EVL: variants seen among roughly 807,000 people sequenced by gnomAD.
The protein encoded by EVL is ena/VASP-like protein.
Under a neutral mutation model 59.6 loss-of-function variants are expected in EVL, and 21 were observed. That is an observed-to-expected ratio of 0.35 (90% confidence interval 0.25 to 0.51). The LOEUF is 0.51. EVL is among the 20% of genes least tolerant of loss of function. The probability of loss-of-function intolerance (pLI) is 0.97; values close to 1 mark genes in which losing one functional copy is unlikely to be tolerated. For missense variants in EVL, 462 were observed against 546.6 expected (o/e 0.85, Z 1.54); for synonymous variants, 198 against 203.5 (o/e 0.97, Z 0.23).
Position 100,076,653 on chromosome 14 carries a change from C to T in EVL, c.12-8034C>T, listed in dbSNP as rs564895015. On this transcript the variant is annotated intron_variant, in intron 1 of 13. Coordinates refer to ENST00000392920, the MANE Select transcript of EVL (RefSeq NM_016337.3). ...TATGGATGAGTACAAATTAGTGGGTCGGCTTGGGTCAGCTCGGCTCGGCTG... is the reference window on the plus strand; with the variant it reads ...TATGGATGAGTACAAATTAGTGGGTTGGCTTGGGTCAGCTCGGCTCGGCTG... 1.7e-4 allele frequency among the ~76,000 whole-genome samples: 26 copies of T among 152,302 alleles called. 3 individuals are homozygous for T. The South Asian group carries it at 5.0e-3, about 29-fold the overall frequency.
chr14:100,114,575 G>A lies in EVL; in HGVS notation c.359-8964G>A, dbSNP rs1887209312. On this transcript the variant is annotated intron_variant, in intron 3 of 13. Transcript: ENST00000392920. This position sits in a 1 kb window ranked among gnomAD's most constrained non-coding sequence, Gnocchi z 5.0. Reference sequence around the variant, plus strand: ...ATCAGTTACCCACTGCACCAGCCAGGCGACAGAGGAGAAGAGGTAAGTGGC... The same window carrying A: ...ATCAGTTACCCACTGCACCAGCCAGACGACAGAGGAGAAGAGGTAAGTGGC... 3 of 152,404 alleles carry A rather than the reference G, an allele frequency of 2.0e-5. No homozygotes were observed. The highest frequency in any genetic ancestry group is 7.2e-5 in the African/African-American group (3 of 41,470). 9.4% of individuals were successfully genotyped at this position (152,404 alleles called of 1,614,324 possible). A position where few individuals can be genotyped will look rare whatever the true frequency, so the allele number is the denominator to read the frequency against.
chr14:99,983,157 T>G (rs2060818760), intron 1 of EVL, among the ~76,000 whole-genome samples: 1 of 152,230 alleles, frequency 6.6e-6, no homozygotes, highest in African/African-American at 2.4e-5. Flanking sequence ...ACTATATGAC[T>G]TCATATGTGA....
At position 100,135,962 on chromosome 14, in the gene EVL, T is replaced by C; in HGVS notation, c.958T>C (p.Ser320Pro). The C allele has an allele frequency of 1.2e-6, 2 of 1,613,622 alleles. No homozygotes were observed. Among genetic ancestry groups the C allele is most frequent in the South Asian group, 2.2e-5 (2 of 91,084 alleles). ...CCGAGCAGCCAGCCAGCCACCTAAC[T>C]CCTCAGGTGAGAGGGCGCCCCCCGC... Reference protein sequence around the residue: ...GTRAASQPPNSSEAGRKPWER... With the variant: ...GTRAASQPPNPSEAGRKPWER... Residue 320 changes from serine (S) to proline (P), a missense_variant, in exon 9 of 14, where the codon TCC becomes CCC. Coordinates refer to ENST00000392920, the MANE Select transcript of EVL (RefSeq NM_016337.3).
At chr14:100,026,241 AAC>A (rs386780721) in intron 1 of EVL, among the ~76,000 whole-genome samples, 5 of 101,318 alleles carry the variant, frequency 4.9e-5, no homozygotes, top group Non-Finnish European at 8.6e-5. Flanking sequence ...GAAAAAAAAA[AAC>A]AAAAAAAAAA....
At chr14:100,005,204 T>C (rs577513791) in intron 1 of EVL, among the ~76,000 whole-genome samples, 2 of 152,332 alleles carry the variant, frequency 1.3e-5, no homozygotes, top group East Asian at 3.9e-4. Flanking sequence ...AGGAACTTAG[T>C]TTATAGTTTT....
At chr14:100,008,907 C>T (rs2060999738) in intron 1 of EVL, among the ~76,000 whole-genome samples, 1 of 151,980 alleles carries the variant, frequency 6.6e-6, no homozygotes, top group Admixed American at 6.6e-5. Context: ...AGAAGCAGTG[C>T]TATTTTAGAT....
chr14:100,119,496 G>T (rs891351597), intron 3 of EVL, among the ~76,000 whole-genome samples: 1 of 152,182 alleles, frequency 6.6e-6, no homozygotes, highest in Admixed American at 6.5e-5. Context: ...AACCAGCTGG[G>T]CAGTGAGTGC....
chr14:99,987,545 G>A (rs1488803901), intron 1 of EVL, among the ~76,000 whole-genome samples: 3 of 152,208 alleles, frequency 2.0e-5, no homozygotes, highest in Non-Finnish European at 4.4e-5. Flanking sequence ...GGGAGACTGA[G>A]GAAGGAGAAT....
At chr14:100,086,963 GA>G (rs2062457986) in intron 2 of EVL, among the ~76,000 whole-genome samples, 2 of 152,222 alleles carry the variant, frequency 1.3e-5, no homozygotes. Flanking sequence ...GACCTCAGTA[GA>G]AAGACTGATT....
At chr14:99,986,196 G>A (rs186219115) in intron 1 of EVL, among the ~76,000 whole-genome samples, 370 of 150,648 alleles carry the variant, frequency 2.5e-3, no homozygotes, top group Non-Finnish European at 4.6e-3. Context: ...GGAGGGTGAG[G>A]CATGAGAATC....
At chr14:100,036,201 G>T (rs990317755) in intron 1 of EVL, among the ~76,000 whole-genome samples, 1 of 152,128 alleles carries the variant, frequency 6.6e-6, no homozygotes, top group Non-Finnish European at 1.5e-5. Flanking sequence ...AATGCCTGAT[G>T]ATCTGAGGTG....
intron 1 of EVL, among the ~76,000 whole-genome samples, chr14:100,020,048 A>C (rs1327993004): frequency 6.6e-6 from 1 of 152,178 alleles, no homozygotes; most frequent in Non-Finnish European, 1.5e-5. Flanking sequence ...TTCCTTTGTC[A>C]ACTCATGCAG....
intron 1 of EVL, among the ~76,000 whole-genome samples, chr14:100,048,221 G>A (rs879016972): frequency 2.0e-5 from 3 of 152,266 alleles, no homozygotes; most frequent in Admixed American, 6.5e-5. Context: ...ATGAAAAGAC[G>A]AGAGACAGAC....
intron 9 of EVL, among the ~76,000 whole-genome samples, chr14:100,136,400 C>T (rs1388960348): frequency 6.6e-6 from 1 of 152,152 alleles, no homozygotes; most frequent in East Asian, 1.9e-4. Flanking sequence ...CAGTAGATCT[C>T]GCTCCACCCA....
rs574428692 is a variant in EVL, at chr14:99,976,601, G to A, written c.5+4544G>A. Among the ~76,000 whole-genome samples the A allele has an allele frequency of 5.9e-5, 9 of 152,020 alleles. No homozygotes were observed. The East Asian group carries it at 1.5e-3, about 26-fold the overall frequency. Reference sequence around the variant, plus strand: ...AAAATTATTTGTAGGAATAATTTGAGGCCTAAGATGATGCTTTTTTCTTCC... The same window carrying A: ...AAAATTATTTGTAGGAATAATTTGAAGCCTAAGATGATGCTTTTTTCTTCC... On this transcript the variant is annotated intron_variant, in intron 1 of 13. Coordinates refer to the EVL transcript ENST00000402714.
intron 1 of EVL, among the ~76,000 whole-genome samples, chr14:100,020,235 CTT>C (rs2061097718): frequency 6.6e-6 from 1 of 152,114 alleles, no homozygotes; most frequent in African/African-American, 2.4e-5. Context: ...TAACAGGGCT[CTT>C]TGCTTTCGTA....
rs146984248 is a variant in EVL at position 99,972,779 on chromosome 14, C to T, written c.5+722C>T. 6.6e-5 allele frequency among the ~76,000 whole-genome samples: 10 copies of T among 152,006 alleles called. No individual in the cohort carries two copies. Among genetic ancestry groups the T allele is most frequent in the East Asian group, 1.9e-4 (1 of 5,176 alleles). On this transcript the variant is annotated intron_variant, in intron 1 of 13. Transcript: ENST00000402714. This position sits in a 1 kb window ranked among gnomAD's most constrained non-coding sequence, Gnocchi z 4.4. Reference sequence around the variant, plus strand: ...CCCTCCCTTCCTCTCCAGATCCTGTCGTGACTTTTTTGGGGTAATCACTTT... The same window carrying T: ...CCCTCCCTTCCTCTCCAGATCCTGTTGTGACTTTTTTGGGGTAATCACTTT...
At chr14:100,015,064 T>C (rs901384886) in intron 1 of EVL, among the ~76,000 whole-genome samples, 20 of 152,232 alleles carry the variant, frequency 1.3e-4, no homozygotes, top group Non-Finnish European at 2.6e-4. Context: ...GTTCAGATGC[T>C]CAGTCCTTAT....
At chr14:100,051,407 C>T (rs945652966) in intron 1 of EVL, among the ~76,000 whole-genome samples, 1 of 152,160 alleles carries the variant, frequency 6.6e-6, no homozygotes, top group Non-Finnish European at 1.5e-5. Context: ...TGGAACATAT[C>T]CCCCCATGGA....
Sources: allele counts gnomAD v4.1 joint callset (sites outside exome capture counted in the v4.1 genomes callset), GRCh38; gene constraint gnomAD v4.1.1; non-coding constraint Gnocchi (gnomAD v3.1); transcripts MANE v1.5; gene names NCBI Gene and HGNC (gene_info 2026-07-23, HGNC 2026-07-21).